Variants in EYA3 observed in about 807,000 individuals in gnomAD.
EYA3 encodes EYA transcriptional coactivator and phosphatase 3.
In EYA3, 39 loss-of-function variants were observed where a neutral mutation model predicts 80.0. The observed-to-expected ratio is 0.49, with a 90% CI of 0.38 to 0.64. EYA3 has a LOEUF of 0.64. Among genes scored for constraint, EYA3 ranks in the 30% least tolerant of loss-of-function variants. The probability of loss-of-function intolerance (pLI) is 0.00; values close to 1 mark genes in which losing one functional copy is unlikely to be tolerated. For synonymous variants in EYA3, 206 were observed against 232.8 expected (o/e 0.88, Z 1.05); for missense variants, 523 against 676.1 (o/e 0.77, Z 2.51).
At chr1:28,045,088 A>G (rs1252723744) in intron 3 of EYA3, among the ~76,000 whole-genome samples, 1 of 152,170 alleles carries the variant, frequency 6.6e-6, no homozygotes, top group Non-Finnish European at 1.5e-5. Flanking sequence ...TATATTTTGA[A>G]TGTTCAAATA....
chr1:28,032,594 T>C (rs1234842648), intron 6 of EYA3, among the ~76,000 whole-genome samples: 1 of 152,164 alleles, frequency 6.6e-6, no homozygotes, highest in Non-Finnish European at 1.5e-5. Flanking sequence ...AGGCATATTT[T>C]ATAACTCCCA....
intron 13 of EYA3, among the ~76,000 whole-genome samples, chr1:27,995,254 A>C (rs1640362010): frequency 6.6e-6 from 1 of 151,114 alleles, no homozygotes; most frequent in South Asian, 2.1e-4. Flanking sequence ...AAAAAAAAAA[A>C]TGGAAATATT....
intron 7 of EYA3, among the ~76,000 whole-genome samples, chr1:28,021,860 C>A (rs1235841444): frequency 6.6e-6 from 1 of 152,118 alleles, no homozygotes. Flanking sequence ...CCACCTCAGC[C>A]TCTCAAAGTG....
At chr1:27,997,594 C>A (rs1385171854) in intron 12 of EYA3, among the ~76,000 whole-genome samples, 1 of 152,146 alleles carries the variant, frequency 6.6e-6, no homozygotes, top group East Asian at 1.9e-4. Context: ...CTATCCCATC[C>A]CTTGTTTCTA....
Position 27,974,335 on chromosome 1 carries a change from G to C in EYA3, c.*131C>G. ...GGAGGGAGAGAGGGAGAGAGAGAAAGAGAGAAAGAGAGAGAGATAGAGACA... is the reference window on the plus strand; with the variant it reads ...GGAGGGAGAGAGGGAGAGAGAGAAACAGAGAAAGAGAGAGAGATAGAGACA... On this transcript the variant is annotated 3_prime_UTR_variant, in exon 18 of 18. Coordinates refer to ENST00000373871, the MANE Select transcript of EYA3 (RefSeq NM_001990.4). 1 of 558,782 alleles carries C rather than the reference G, an allele frequency of 1.8e-6. No homozygotes were observed. The highest frequency in any genetic ancestry group is 2.5e-5 in the South Asian group (1 of 39,518). 34.6% of individuals were successfully genotyped at this position (558,782 alleles called of 1,614,324 possible). A position where few individuals can be genotyped will look rare whatever the true frequency, so the allele number is the denominator to read the frequency against.
chr1:28,062,657 GGTGTGTGTGTGT>G (rs71027260), intron 1 of EYA3, among the ~76,000 whole-genome samples: 9 of 141,528 alleles, frequency 6.4e-5, no homozygotes, highest in Admixed American at 1.4e-4. Flanking sequence ...AATATATGTA[GGTGTGTGTGTGT>G]GTGTGTGTGT....
chr1:28,024,831 C>G (rs952442647), intron 7 of EYA3, among the ~76,000 whole-genome samples: 24 of 152,112 alleles, frequency 1.6e-4, no homozygotes, highest in Admixed American at 1.2e-3. Context: ...TCTACTCATT[C>G]AAAACATTTT....
intron 11 of EYA3, among the ~76,000 whole-genome samples, chr1:28,001,955 G>A (rs757792401): frequency 1.3e-5 from 2 of 148,560 alleles, no homozygotes; most frequent in Non-Finnish European, 3.0e-5. Context: ...CGCTCTTGTT[G>A]CCCAGGCTGG....
At chr1:27,996,434 G>C (rs1014119332) in intron 13 of EYA3, among the ~76,000 whole-genome samples, 2 of 152,186 alleles carry the variant, frequency 1.3e-5, no homozygotes, top group Non-Finnish European at 2.9e-5. Flanking sequence ...CTGGGGTTCA[G>C]AGCAGAATAT....
At chr1:28,035,211 C>T (rs1023441514) in intron 6 of EYA3, among the ~76,000 whole-genome samples, 1 of 152,048 alleles carries the variant, frequency 6.6e-6, no homozygotes, top group Non-Finnish European at 1.5e-5. Context: ...AAGAAATTGG[C>T]CACCTCGAAA....
intron 1 of EYA3, among the ~76,000 whole-genome samples, chr1:28,081,809 G>A (rs992527671): frequency 1.3e-5 from 2 of 152,116 alleles, no homozygotes; most frequent in Admixed American, 6.5e-5. Flanking sequence ...GGTGCTGATA[G>A]CAACTACCTA....
chr1:28,040,402 T>A (rs1643708055), intron 4 of EYA3, among the ~76,000 whole-genome samples: 1 of 152,046 alleles, frequency 6.6e-6, no homozygotes, highest in Non-Finnish European at 1.5e-5. Flanking sequence ...TTCCTTCCAG[T>A]AAAGATGTCA....
Position 27,974,273 on chromosome 1 carries a change from G to A in EYA3, c.*193C>T. 2.3e-6 allele frequency: 1 copy of A among 429,334 alleles called. No individual in the cohort carries two copies. Among genetic ancestry groups the A allele is most frequent in the Non-Finnish European group, 4.3e-6 (1 of 232,066 alleles). 26.6% of individuals were successfully genotyped at this position (429,334 alleles called of 1,614,324 possible). A position where few individuals can be genotyped will look rare whatever the true frequency, so the allele number is the denominator to read the frequency against. On this transcript the variant is annotated 3_prime_UTR_variant, in exon 18 of 18. Transcript: ENST00000373871. The stretch of plus-strand genomic sequence containing the variant: ...ATGGATAAAGACAGAGAGAGAGAGA[G>A]AGAGAGAGGCAGAGAGGGAGGGAGA...
intron 1 of EYA3, among the ~76,000 whole-genome samples, chr1:28,077,542 T>G (rs1645266584): frequency 2.0e-5 from 3 of 152,222 alleles, no homozygotes; most frequent in Admixed American, 2.0e-4. Context: ...ATGGTTCTTC[T>G]ATATTTCTTC....
chr1:28,084,795 G>C (rs944454409), intron 1 of EYA3, among the ~76,000 whole-genome samples: 3 of 150,732 alleles, frequency 2.0e-5, no homozygotes, highest in Non-Finnish European at 4.4e-5. Flanking sequence ...TTTTAGTAGA[G>C]ATGGGGTTTC....
chr1:27,975,536 A>G (rs984192217), intron 17 of EYA3, among the ~76,000 whole-genome samples: 1 of 141,212 alleles, frequency 7.1e-6, no homozygotes, highest in Non-Finnish European at 1.5e-5. Flanking sequence ...CCCAGGCTGG[A>G]GTGCAGTGGC....
chr1:28,071,765 G>A (rs954013810), intron 1 of EYA3, among the ~76,000 whole-genome samples: 4 of 152,046 alleles, frequency 2.6e-5, no homozygotes, highest in Non-Finnish European at 5.9e-5. Flanking sequence ...ATTACTTTTG[G>A]CTGCTGCATC....
At chr1:28,006,469 GAC>G (rs1396399335) in intron 10 of EYA3, among the ~76,000 whole-genome samples, 1 of 152,192 alleles carries the variant, frequency 6.6e-6, no homozygotes, top group Non-Finnish European at 1.5e-5. Flanking sequence ...CACTTTGAGA[GAC>G]TGAAGCAGGT....
At chr1:28,027,665 C>G (rs1642866001) in intron 7 of EYA3, 124 bp downstream of exon 7, 4 of 1,239,078 alleles carry the variant, frequency 3.2e-6, no homozygotes, top group Non-Finnish European at 4.6e-6. Context: ...AGTATCACCC[C>G]CTTTCTACTT....
Sources: allele counts gnomAD v4.1 joint callset (sites outside exome capture counted in the v4.1 genomes callset), GRCh38; gene constraint gnomAD v4.1.1; transcripts MANE v1.5; gene names NCBI Gene and HGNC (gene_info 2026-07-23, HGNC 2026-07-21).